The following VWC2 variants were observed in gnomAD, a reference collection of about 807,000 sequenced individuals.
The protein encoded by VWC2 is brorin.
VWC2 carries 14 observed loss-of-function variants against 29.8 expected under a neutral mutation model. That is an observed-to-expected ratio of 0.47 (90% confidence interval 0.31 to 0.74). VWC2 has a LOEUF of 0.74. VWC2 is among the 30% of genes least tolerant of loss of function. The probability of loss-of-function intolerance (pLI) is 0.05; values close to 1 mark genes in which losing one functional copy is unlikely to be tolerated. For synonymous variants in VWC2, 213 were observed against 199.0 expected (o/e 1.07, Z -0.59); for missense variants, 457 against 459.8 (o/e 0.99, Z 0.05).
At chr7:49,822,693 C>G (rs1789291066) in intron 3 of VWC2, among the ~76,000 whole-genome samples, 1 of 152,198 alleles carries the variant, frequency 6.6e-6, no homozygotes, top group Admixed American at 6.5e-5. Context: ...CCTGCCTTGT[C>G]CTCCCAAAGT....
rs1327759531 is a variant in VWC2, at chr7:49,807,835, T to A, written c.826+4995T>A. 2.0e-5 allele frequency among the ~76,000 whole-genome samples: 3 copies of A among 152,300 alleles called. No individual in the cohort carries two copies. The East Asian group carries it at 5.8e-4, about 29-fold the overall frequency. The stretch of plus-strand genomic sequence containing the variant: ...TTAAACAAGCACAATATAGCCCACA[T>A]GTTTTGAGAAAATATTTGCAATATG... On this transcript the variant is annotated intron_variant, in intron 3 of 3. Coordinates refer to ENST00000340652, the MANE Select transcript of VWC2 (RefSeq NM_198570.5).
intron 2 of VWC2, among the ~76,000 whole-genome samples, chr7:49,778,265 T>G (rs1053308451): frequency 3.9e-5 from 6 of 152,080 alleles, no homozygotes; most frequent in Non-Finnish European, 5.9e-5. Context: ...GAGATGATAT[T>G]GACAAAAGGG....
intron 3 of VWC2, among the ~76,000 whole-genome samples, chr7:49,875,712 G>T (rs1791389567): frequency 6.6e-6 from 1 of 152,056 alleles, no homozygotes; most frequent in South Asian, 2.1e-4. Context: ...GTGTCTGATG[G>T]AGTGGCATGA....
chr7:49,839,141 G>T (rs895417969), intron 3 of VWC2, among the ~76,000 whole-genome samples: 1 of 152,114 alleles, frequency 6.6e-6, no homozygotes, highest in African/African-American at 2.4e-5. Flanking sequence ...ACAAGAGCCC[G>T]CACCAGACAA....
At chr7:49,806,918 A>C (rs1281976204) in intron 3 of VWC2, among the ~76,000 whole-genome samples, 1 of 152,184 alleles carries the variant, frequency 6.6e-6, no homozygotes, top group Non-Finnish European at 1.5e-5. Context: ...AAAATAAAGG[A>C]ATTTACAAAT....
At chr7:49,829,343 C>A (rs1789473344) in intron 3 of VWC2, among the ~76,000 whole-genome samples, 2 of 152,144 alleles carry the variant, frequency 1.3e-5, no homozygotes, top group African/African-American at 4.8e-5. Flanking sequence ...CCATTTACAA[C>A]CTGCCAGAGT....
intron 2 of VWC2, among the ~76,000 whole-genome samples, chr7:49,799,546 C>T (rs1317068956): frequency 6.6e-6 from 1 of 152,200 alleles, no homozygotes; most frequent in African/African-American, 2.4e-5. Context: ...TACATAGGAG[C>T]CCAGCATGGG....
At position 49,918,569 on chromosome 7, in the gene VWC2, G is replaced by A. The variant is rs1392720568; in HGVS notation, c.*6384G>A. 1.3e-5 allele frequency: 2 copies of A among 152,180 alleles called. No homozygotes were observed. The highest frequency in any genetic ancestry group is 2.9e-5 in the Non-Finnish European group (2 of 68,034). 9.4% of individuals were successfully genotyped at this position (152,180 alleles called of 1,614,324 possible). A position where few individuals can be genotyped will look rare whatever the true frequency, so the allele number is the denominator to read the frequency against. ...TTGAAGCATCAGGTTGTTCAGGTAT[G>A]ATTCTCATATTGAAATTTACAAAAT... is the stretch of plus-strand genomic sequence containing the variant. On this transcript the variant is annotated 3_prime_UTR_variant, in exon 4 of 4. Transcript: ENST00000340652.
intron 3 of VWC2, among the ~76,000 whole-genome samples, chr7:49,826,192 G>A (rs1398518339): frequency 6.6e-6 from 1 of 152,094 alleles, no homozygotes; most frequent in Non-Finnish European, 1.5e-5. Flanking sequence ...CCTTCTGTCT[G>A]GTTTTCATCA....
At chr7:49,897,041 G>A (rs1027081849) in intron 3 of VWC2, among the ~76,000 whole-genome samples, 7 of 151,806 alleles carry the variant, frequency 4.6e-5, no homozygotes, top group Non-Finnish European at 8.8e-5. Flanking sequence ...GACTACAGGC[G>A]CCCGCCACCT....
At chr7:49,837,913 T>G (rs1008653904) in intron 3 of VWC2, among the ~76,000 whole-genome samples, 2 of 152,148 alleles carry the variant, frequency 1.3e-5, no homozygotes, top group African/African-American at 4.8e-5. Context: ...AATGAAAAAT[T>G]TTTTCAAATC....
chr7:49,819,154 G>A (rs1387068053), intron 3 of VWC2, among the ~76,000 whole-genome samples: 1 of 152,036 alleles, frequency 6.6e-6, no homozygotes, highest in East Asian at 1.9e-4. Context: ...CTTCTGTATC[G>A]AACCTACACA....
At chr7:49,805,842 C>G (rs1788864430) in intron 3 of VWC2, among the ~76,000 whole-genome samples, 1 of 152,212 alleles carries the variant, frequency 6.6e-6, no homozygotes, top group Non-Finnish European at 1.5e-5. Flanking sequence ...ACTCCTCACT[C>G]TGGCATGTCT....
chr7:49,774,635 C>T (rs1169604611), intron 1 of VWC2, among the ~76,000 whole-genome samples: 2 of 152,190 alleles, frequency 1.3e-5, no homozygotes, highest in Middle Eastern at 3.2e-3. Context: ...GACCTGGCTC[C>T]CAAGGCTCGG....
At chr7:49,844,894 G>T (rs1263767300) in intron 3 of VWC2, among the ~76,000 whole-genome samples, 1 of 152,034 alleles carries the variant, frequency 6.6e-6, no homozygotes, top group African/African-American at 2.4e-5. Flanking sequence ...TGTTGGCCAG[G>T]CTAGTCTTGA....
At chr7:49,906,979 C>A (rs796220407) in intron 3 of VWC2, among the ~76,000 whole-genome samples, 7 of 152,028 alleles carry the variant, frequency 4.6e-5, no homozygotes, top group African/African-American at 1.7e-4. Context: ...TGCAGGGGGA[C>A]CAGTTTCAAG....
At chr7:49,807,130 T>A (rs899776266) in intron 3 of VWC2, among the ~76,000 whole-genome samples, 12 of 152,118 alleles carry the variant, frequency 7.9e-5, no homozygotes, top group Admixed American at 2.0e-4. Flanking sequence ...GAATCTTTAT[T>A]GAGAGAAATT....
chr7:49,902,700 T>C (rs78276963), intron 3 of VWC2, among the ~76,000 whole-genome samples: 2,105 of 152,178 alleles, frequency 0.014, 63 homozygotes, highest in African/African-American at 0.048. Flanking sequence ...GTAGGGCTTC[T>C]TGATGAGTTG....
chr7:49,794,463 G>A (rs1474527174), intron 2 of VWC2, among the ~76,000 whole-genome samples: 9 of 152,208 alleles, frequency 5.9e-5, no homozygotes, highest in Admixed American at 3.9e-4. Context: ...TTGCATCCAT[G>A]CCTGTTAGCT....
Sources: gnomAD v4.1 joint callset for allele counts (sites outside exome capture counted in the v4.1 genomes callset) on GRCh38, gnomAD v4.1.1 for gene constraint, MANE v1.5 for transcripts, NCBI Gene and HGNC (gene_info 2026-07-23, HGNC 2026-07-21) for gene names.